Variants in SEMA3A observed in about 807,000 individuals in gnomAD.
The protein encoded by SEMA3A is semaphorin 3A.
SEMA3A carries 29 observed loss-of-function variants against 97.9 expected under a neutral mutation model. The ratio of observed to expected loss-of-function variants is 0.30; its 90% CI spans 0.22 to 0.40. The LOEUF is 0.40. Ranked by LOEUF, SEMA3A falls within the 10% of genes least tolerant of loss-of-function variation. The probability of loss-of-function intolerance (pLI) is 1.00; values close to 1 mark genes in which losing one functional copy is unlikely to be tolerated. For missense variants in SEMA3A, 763 were observed against 951.3 expected, an observed-to-expected ratio of 0.80 and a Z score of 2.60; for synonymous variants, 321 against 323.7, an observed-to-expected ratio of 0.99 and a Z score of 0.09.
chr7:84,291,047 T>C (rs1225124330), intron 3 of SEMA3A, among the ~76,000 whole-genome samples: 1 of 152,118 alleles, frequency 6.6e-6, no homozygotes, highest in African/African-American at 2.4e-5. Context: ...AGTTAGATTG[T>C]ATACCACATA....
rs1159632346 is a variant in SEMA3A, at chr7:83,956,968, T to C, written c.*4403A>G. ...CTTATTGTGAGCTTGTATTTGGCAA[T>C]TGTCATATCGTAACTTGGTTCTTTT... On this transcript the variant is annotated 3_prime_UTR_variant, in exon 17 of 17. Coordinates refer to ENST00000265362, the MANE Select transcript of SEMA3A (RefSeq NM_006080.3). 6.6e-6 allele frequency: 1 copy of C among 152,064 alleles called. No individual in the cohort carries two copies. The highest frequency in any genetic ancestry group is 6.6e-5 in the Admixed American group (1 of 15,264). 9.4% of individuals were successfully genotyped at this position (152,064 alleles called of 1,614,324 possible).
intron 4 of SEMA3A, among the ~76,000 whole-genome samples, chr7:84,071,008 CAT>C (rs1202537514): frequency 6.6e-6 from 1 of 152,112 alleles, no homozygotes; most frequent in Non-Finnish European, 1.5e-5. Flanking sequence ...AATATTGTGA[CAT>C]ATTGCACTTT....
chr7:84,396,256 C>G (rs981186215), intron 1 of SEMA3A, among the ~76,000 whole-genome samples: 2 of 151,780 alleles, frequency 1.3e-5, no homozygotes, highest in African/African-American at 4.8e-5. Flanking sequence ...AAACAGTCAA[C>G]ATTTTATCCT....
intron 1 of SEMA3A, among the ~76,000 whole-genome samples, chr7:84,380,100 T>G (rs1225870677): frequency 6.6e-6 from 1 of 152,180 alleles, no homozygotes; most frequent in Admixed American, 6.5e-5. Flanking sequence ...TCAGCATATG[T>G]TCCCAAATAA....
chr7:84,219,249 T>C (rs1798819138), intron 3 of SEMA3A, among the ~76,000 whole-genome samples: 1 of 152,206 alleles, frequency 6.6e-6, no homozygotes. Flanking sequence ...ATAAAATGAA[T>C]ATGTGCAGCC....
chr7:84,091,569 G>A, intron 4 of SEMA3A, among the ~76,000 whole-genome samples: 1 of 152,120 alleles, frequency 6.6e-6, no homozygotes, highest in African/African-American at 2.4e-5. Context: ...TCAGCCGAGT[G>A]CTTTACTAGG....
At chr7:84,107,158 TC>T (rs1795134063) in intron 4 of SEMA3A, among the ~76,000 whole-genome samples, 2 of 152,186 alleles carry the variant, frequency 1.3e-5, no homozygotes, top group Admixed American at 1.3e-4. Context: ...ATTTTATTTC[TC>T]ACTCTCCCGA....
chr7:84,079,412 G>C (rs2115790526), intron 4 of SEMA3A, among the ~76,000 whole-genome samples: 1 of 150,402 alleles, frequency 6.6e-6, no homozygotes, highest in African/African-American at 2.4e-5. Context: ...AGAGTGAACA[G>C]GCAACCTACA....
At chr7:84,252,241 G>C (rs1295662192) in intron 3 of SEMA3A, among the ~76,000 whole-genome samples, 5 of 152,100 alleles carry the variant, frequency 3.3e-5, no homozygotes, top group African/African-American at 1.2e-4. Context: ...TACCTGGTGG[G>C]CATCATTCTA....
rs552930134 is a variant in SEMA3A at position 84,082,880 on chromosome 7, C to T, written c.454-22322G>A. Reference sequence around the variant, plus strand: ...CACCTAAAAATGCACATATTCAAATCTTGTCTCCTTTTTACAGGGTCACTT... The same window carrying T: ...CACCTAAAAATGCACATATTCAAATTTTGTCTCCTTTTTACAGGGTCACTT... On this transcript the variant is annotated intron_variant, in intron 4 of 16. Transcript: ENST00000265362. 2.6e-5 allele frequency among the ~76,000 whole-genome samples: 4 copies of T among 152,046 alleles called. No individual in the cohort carries two copies. The East Asian group carries it at 7.7e-4, about 29-fold the overall frequency.
rs577156727 is a variant in SEMA3A, at chr7:84,318,091, C to T, written c.-168-10799G>A. On this transcript the variant is annotated intron_variant, in intron 2 of 3. Transcript: ENST00000424555. ...TTCTTAGGCAGTTAGTACAATATTG[C>T]TCTTTTTTAACATTTAAAATAAAAG... Among the ~76,000 whole-genome samples the T allele has an allele frequency of 3.3e-5, 5 of 151,902 alleles. 1 individual carries two copies. The highest frequency in any genetic ancestry group is 1.2e-4 in the African/African-American group (5 of 41,436).
At chr7:84,193,306 T>A (rs1266503001) in intron 1 of SEMA3A, among the ~76,000 whole-genome samples, 1 of 152,048 alleles carries the variant, frequency 6.6e-6, no homozygotes, top group East Asian at 1.9e-4. Flanking sequence ...CAGAAAAAGA[T>A]GTTCCCCATC....
Position 84,078,860 on chromosome 7 carries a change from T to G in SEMA3A, c.454-18302A>C, listed in dbSNP as rs79753004. Among the ~76,000 whole-genome samples the G allele has an allele frequency of 3.9e-3, 598 of 152,158 alleles. 4 individuals carry two copies. Among genetic ancestry groups the G allele is most frequent in the African/African-American group, 0.014 (582 of 41,524 alleles). On this transcript the variant is annotated intron_variant, in intron 4 of 16. Transcript: ENST00000265362. ...TTTATGTCTAAATTAAGTGTTGAAC[T>G]GTAGGGATATATATTTAATGATTGC...
At chr7:84,275,542 T>C (rs913638407) in intron 3 of SEMA3A, among the ~76,000 whole-genome samples, 6 of 151,944 alleles carry the variant, frequency 3.9e-5, no homozygotes, top group Non-Finnish European at 4.4e-5. Context: ...TATGTACACA[T>C]AGTCACCTGG....
chr7:84,302,709 T>C (rs1253967216), intron 3 of SEMA3A, among the ~76,000 whole-genome samples: 1 of 152,106 alleles, frequency 6.6e-6, no homozygotes. Flanking sequence ...ATGGAAATAA[T>C]GGAAACTATC....
chr7:84,470,467 T>G (rs1806117252), intron 1 of SEMA3A, among the ~76,000 whole-genome samples: 1 of 152,080 alleles, frequency 6.6e-6, no homozygotes, highest in African/African-American at 2.4e-5. Flanking sequence ...AACAAACAAA[T>G]TGATAAAACA....
At chr7:84,095,379 ATATATATATTC>A in intron 4 of SEMA3A, among the ~76,000 whole-genome samples, 1 of 65,912 alleles carries the variant, frequency 1.5e-5, no homozygotes, top group Non-Finnish European at 4.4e-5. Context: ...ATATATATAT[ATATATATATTC>A]CCATTGAAAA....
At chr7:84,181,362 A>G (rs1460440205) in intron 1 of SEMA3A, among the ~76,000 whole-genome samples, 2 of 150,228 alleles carry the variant, frequency 1.3e-5, no homozygotes, top group Non-Finnish European at 3.0e-5. Flanking sequence ...CATGAGTAGA[A>G]AGACTATATA....
chr7:84,094,660 AAT>A (rs1206145213), intron 4 of SEMA3A, among the ~76,000 whole-genome samples: 2 of 152,140 alleles, frequency 1.3e-5, no homozygotes, highest in African/African-American at 2.4e-5. Flanking sequence ...CTAACATCAT[AAT>A]ATGACACCGA....
Sources: allele counts gnomAD v4.1 joint callset (sites outside exome capture counted in the v4.1 genomes callset), GRCh38; gene constraint gnomAD v4.1.1; transcripts MANE v1.5; gene names NCBI Gene and HGNC (gene_info 2026-07-23, HGNC 2026-07-21).